Variants in PPIL6 observed in about 807,000 individuals in gnomAD.
PPIL6 encodes peptidylprolyl isomerase like 6.
Under a neutral mutation model 36.8 loss-of-function variants are expected in PPIL6, and 39 were observed. The ratio of observed to expected loss-of-function variants is 1.06; its 90% confidence interval spans 0.82 to 1.38. The LOEUF (loss-of-function observed/expected upper bound fraction) is 1.38, where lower values mean the gene tolerates loss of function less well. PPIL6 is among the 40% of genes most tolerant of loss of function. The pLI is 0.00. For missense variants in PPIL6, 368 were observed against 379.1 expected, an observed-to-expected ratio of 0.97 and a Z score of 0.24; for synonymous variants, 123 against 134.1, an observed-to-expected ratio of 0.92 and a Z score of 0.57.
chr6:109,430,585 C>G (rs1342119801), intron 3 of PPIL6, among the ~76,000 whole-genome samples: 1 of 152,174 alleles, frequency 6.6e-6, no homozygotes, highest in African/African-American at 2.4e-5. Context: ...CGCCACCACG[C>G]CCAGCTAATT....
intron 1 of PPIL6, 76 bp downstream of exon 1, chr6:109,440,380 G>T (rs1208121683): frequency 6.7e-7 from 1 of 1,490,940 alleles, no homozygotes; most frequent in South Asian, 1.2e-5. Flanking sequence ...TCGAGGAGGC[G>T]CGGCGCCTGC....
At position 109,440,386 on chromosome 6, in the gene PPIL6, C is replaced by T. The variant is rs1481262638; in HGVS notation, c.135+70G>A. Reference sequence around the variant, plus strand: ...CCCGCCGCCTCGAGGAGGCGCGGCGCCTGCAGTCCACGCGGCCGAGAGCGG... The same window carrying T: ...CCCGCCGCCTCGAGGAGGCGCGGCGTCTGCAGTCCACGCGGCCGAGAGCGG... On this transcript the variant is annotated intron_variant, in intron 1 of 7. Coordinates refer to ENST00000521072, the MANE Select transcript of PPIL6 (RefSeq NM_173672.5). The T allele has an allele frequency of 4.0e-6, 6 of 1,503,784 alleles. No individual in the cohort carries two copies. In the Admixed American group the frequency reaches 1.0e-4, roughly 26 times the overall value. 93.2% of individuals were successfully genotyped at this position (1,503,784 alleles called of 1,614,324 possible).
intron 6 of PPIL6, among the ~76,000 whole-genome samples, chr6:109,402,002 C>T (rs1372242347): frequency 6.6e-6 from 1 of 151,108 alleles, no homozygotes; most frequent in Non-Finnish European, 1.5e-5. Context: ...GGATTACAGG[C>T]GTGAGCCACC....
intron 7 of PPIL6, among the ~76,000 whole-genome samples, chr6:109,393,756 C>T (rs1284391557): frequency 6.6e-6 from 1 of 152,100 alleles, no homozygotes; most frequent in African/African-American, 2.4e-5. Context: ...TCCCTTCTTC[C>T]ACAGCTCCTG....
intron 6 of PPIL6, among the ~76,000 whole-genome samples, chr6:109,407,584 T>G (rs1369427116): frequency 2.0e-5 from 3 of 152,140 alleles, no homozygotes; most frequent in African/African-American, 7.2e-5. Context: ...TCTATCTTCT[T>G]TCTTCCACAT....
intron 1 of PPIL6, chr6:109,440,215 G>A: frequency 1.7e-6 from 1 of 595,328 alleles, no homozygotes. Context: ...CCCTTCCTTC[G>A]CTCAGTTCTC....
intron 6 of PPIL6, among the ~76,000 whole-genome samples, chr6:109,416,319 C>T (rs1457811889): frequency 6.6e-6 from 1 of 150,870 alleles, no homozygotes; most frequent in Non-Finnish European, 1.5e-5. Flanking sequence ...TCTCCTGCCT[C>T]AGTCTCCCAA....
intron 7 of PPIL6, among the ~76,000 whole-genome samples, chr6:109,395,253 A>G (rs1772247578): frequency 6.6e-6 from 1 of 152,040 alleles, no homozygotes. Flanking sequence ...CTAAAAATAC[A>G]AAAATTAGCT....
At chr6:109,402,903 A>T (rs1449035465) in intron 6 of PPIL6, 1 of 614,100 alleles carries the variant, frequency 1.6e-6, no homozygotes, top group Non-Finnish European at 2.6e-6. Flanking sequence ...ATGATGTGTA[A>T]GAAAGAACCG....
chr6:109,417,309 A>C (rs79759631), intron 6 of PPIL6, among the ~76,000 whole-genome samples: 1,828 of 151,812 alleles, frequency 0.012, 29 homozygotes, highest in East Asian at 0.059. Flanking sequence ...CCTACTTAGG[A>C]GGCTAAGGTG....
At chr6:109,430,292 A>C (rs9487103) in intron 3 of PPIL6, among the ~76,000 whole-genome samples, 79,490 of 152,096 alleles carry the variant, frequency 0.52, 21,919 homozygotes, top group African/African-American at 0.71. Context: ...ACTGCAAAGT[A>C]CCTCCACCCC....
rs1228196927 is a variant in PPIL6, at chr6:109,392,802, T to C, written c.*24A>G. 3.2e-6 allele frequency: 4 copies of C among 1,246,008 alleles called. No homozygotes were observed. The African/African-American group carries it at 4.5e-5, about 14-fold the overall frequency. 77.2% of individuals were successfully genotyped at this position (1,246,008 alleles called of 1,614,324 possible). On this transcript the variant is annotated 3_prime_UTR_variant, in exon 8 of 8. Coordinates refer to ENST00000521072, the MANE Select transcript of PPIL6 (RefSeq NM_173672.5). ...TGATCAGATACAAAGTAATAAATTATCACAGAAAATATTGATATGAAAATC... is the reference window on the plus strand; with the variant it reads ...TGATCAGATACAAAGTAATAAATTACCACAGAAAATATTGATATGAAAATC...
At chr6:109,433,638 G>A (rs932902761) in intron 2 of PPIL6, among the ~76,000 whole-genome samples, 3 of 152,170 alleles carry the variant, frequency 2.0e-5, no homozygotes, top group African/African-American at 7.2e-5. Context: ...ACTTAGGGTG[G>A]CACTTCATTC....
chr6:109,421,421 A>G (rs1365376690), intron 5 of PPIL6, among the ~76,000 whole-genome samples: 1 of 152,206 alleles, frequency 6.6e-6, no homozygotes, highest in East Asian at 1.9e-4. Context: ...ATCTGTACAA[A>G]CAGGGATAAT....
rs542962010 is a variant in PPIL6, at chr6:109,431,109, A to G, written c.420+48T>C. On this transcript the variant is annotated intron_variant, in intron 3 of 7. Transcript: ENST00000521072. ...CAATAATTAATGCTGAATCAATATA[A>G]AGGGTCAAAGATTCCACAATTTTTC... The G allele has an allele frequency of 3.0e-6, 4 of 1,322,772 alleles. No individual in the cohort carries two copies. In the African/African-American group the frequency reaches 4.4e-5, roughly 15 times the overall value. The allele number at this position is 1,322,772 out of a possible 1,614,324, so 81.9% of individuals were successfully genotyped here.
chr6:109,441,083 A>G, upstream of PPIL6: 5 of 1,611,270 alleles, frequency 3.1e-6, no homozygotes, highest in Non-Finnish European at 4.2e-6. Context: ...CCGTCGCTGG[A>G]GAGTTCGAGC....
intron 6 of PPIL6, among the ~76,000 whole-genome samples, chr6:109,406,944 T>A (rs1772821152): frequency 6.6e-6 from 1 of 152,230 alleles, no homozygotes; most frequent in Non-Finnish European, 1.5e-5. Flanking sequence ...AGAAAAGAAA[T>A]CTCCACACTT....
At chr6:109,414,863 C>T (rs1164724485) in intron 6 of PPIL6, among the ~76,000 whole-genome samples, 1 of 152,066 alleles carries the variant, frequency 6.6e-6, no homozygotes, top group Admixed American at 6.6e-5. Context: ...GGACTAGATG[C>T]CTTATCAATA....
chr6:109,434,192 A>G (rs976627334), intron 2 of PPIL6, among the ~76,000 whole-genome samples: 13 of 152,238 alleles, frequency 8.5e-5, no homozygotes, highest in African/African-American at 3.1e-4. Context: ...AAATTCCCAC[A>G]TCCTAGGAAA....
Sources: gnomAD v4.1 joint callset for allele counts (sites outside exome capture counted in the v4.1 genomes callset) on GRCh38, gnomAD v4.1.1 for gene constraint, MANE v1.5 for transcripts, NCBI Gene and HGNC (gene_info 2026-07-23, HGNC 2026-07-21) for gene names.